Variants in AGBL4 observed in about 807,000 individuals in gnomAD.
The protein encoded by AGBL4 is cytosolic carboxypeptidase 6.
In AGBL4, 58 loss-of-function variants were observed where a neutral mutation model predicts 66.4. The observed-to-expected ratio is 0.87, with a 90% CI of 0.71 to 1.09. The LOEUF (loss-of-function observed/expected upper bound fraction) is 1.09. Among genes scored for constraint, AGBL4 ranks in the 50% least tolerant of loss-of-function variants. The pLI is 0.00. For missense variants in AGBL4, 579 were observed against 631.0 expected, an observed-to-expected ratio of 0.92 and a Z score of 0.88; for synonymous variants, 234 against 222.9, an observed-to-expected ratio of 1.05 and a Z score of -0.44.
intron 3 of AGBL4, among the ~76,000 whole-genome samples, chr1:49,440,539 A>G (rs1210629009): frequency 6.6e-6 from 1 of 152,202 alleles, no homozygotes; most frequent in Admixed American, 6.5e-5. Flanking sequence ...ACCAAGGAAC[A>G]TAATAAAGTT....
At chr1:48,806,625 T>C (rs1422468436) in intron 6 of AGBL4, among the ~76,000 whole-genome samples, 2 of 152,216 alleles carry the variant, frequency 1.3e-5, no homozygotes, top group Non-Finnish European at 2.9e-5. Flanking sequence ...CTGCTCTTTC[T>C]TTGTTGTAGA....
In AGBL4 at chr1:49,314,017, C is replaced by T. The variant is rs149885386; in HGVS notation, c.283-68153G>A. On this transcript the variant is annotated intron_variant, in intron 3 of 13. Transcript: ENST00000371839. Reference sequence around the variant, plus strand: ...TGGTTTTAGGTCTTACGTTTAACTCCTTAATCCATCTTGAGTTAATTTTTG... The same window carrying T: ...TGGTTTTAGGTCTTACGTTTAACTCTTTAATCCATCTTGAGTTAATTTTTG... 5.8e-3 allele frequency among the ~76,000 whole-genome samples: 880 copies of T among 152,116 alleles called. 6 individuals are homozygous for T. The highest frequency in any genetic ancestry group is 0.02 in the African/African-American group (846 of 41,536).
chr1:48,761,314 A>G, intron 6 of AGBL4: 1 of 1,540,230 alleles, frequency 6.5e-7, no homozygotes, highest in East Asian at 2.5e-5. Context: ...GCATACCTCC[A>G]AAGAAAGGAA....
chr1:49,008,881 T>G (rs1290259720), intron 5 of AGBL4, among the ~76,000 whole-genome samples: 1 of 150,464 alleles, frequency 6.6e-6, no homozygotes, highest in African/African-American at 2.4e-5. Flanking sequence ...CAGAGGAGTG[T>G]GTAGAGGGAA....
intron 2 of AGBL4, among the ~76,000 whole-genome samples, chr1:49,769,583 A>G (rs1184078257): frequency 6.6e-6 from 1 of 152,214 alleles, no homozygotes; most frequent in African/African-American, 2.4e-5. Flanking sequence ...GGCTGCAGTA[A>G]CCAAAATAGC....
intron 9 of AGBL4, among the ~76,000 whole-genome samples, chr1:48,623,781 G>A (rs1380662479): frequency 6.6e-6 from 1 of 152,214 alleles, no homozygotes; most frequent in Non-Finnish European, 1.5e-5. Flanking sequence ...ATAGGAACCT[G>A]CTCAGACGGG....
chr1:48,805,849 G>A (rs962541351), intron 6 of AGBL4, among the ~76,000 whole-genome samples: 1 of 152,146 alleles, frequency 6.6e-6, no homozygotes, highest in Non-Finnish European at 1.5e-5. Context: ...TGCAGAGAAA[G>A]AATAAGAGAA....
At chr1:49,785,656 A>G (rs550486234) in intron 2 of AGBL4, among the ~76,000 whole-genome samples, 1 of 151,898 alleles carries the variant, frequency 6.6e-6, no homozygotes, top group Non-Finnish European at 1.5e-5. Context: ...CTGTGGCCCA[A>G]ATTGAATTTC....
chr1:49,677,228 C>A (rs998011187), intron 3 of AGBL4, among the ~76,000 whole-genome samples: 2 of 151,992 alleles, frequency 1.3e-5, no homozygotes, highest in African/African-American at 4.8e-5. Context: ...ATTCTTATAT[C>A]TTTATAATCT....
chr1:48,632,766 C>G (rs538353040), intron 9 of AGBL4, among the ~76,000 whole-genome samples: 1 of 152,194 alleles, frequency 6.6e-6, no homozygotes, highest in South Asian at 2.1e-4. Flanking sequence ...AATGTAGGAG[C>G]TTGTTCTCTT....
At chr1:48,689,203 C>CAAAAAAAAAAAAAAAAAA (rs939955179) in intron 6 of AGBL4, among the ~76,000 whole-genome samples, 12 of 53,340 alleles carry the variant, frequency 2.2e-4, no homozygotes, top group African/African-American at 6.5e-4. Context: ...GACCCGGTCT[C>CAAAAAAAAAAAAAAAAAA]AAAAAAAAAA....
chr1:49,988,553 G>T (rs1201637419), intron 1 of AGBL4, among the ~76,000 whole-genome samples: 2 of 152,200 alleles, frequency 1.3e-5, no homozygotes, highest in Non-Finnish European at 2.9e-5. Context: ...AGGCATGCCT[G>T]CATGAAGCAA....
intron 11 of AGBL4, among the ~76,000 whole-genome samples, chr1:48,582,428 C>T (rs1644753497): frequency 6.6e-6 from 1 of 152,140 alleles, no homozygotes; most frequent in Non-Finnish European, 1.5e-5. Flanking sequence ...CCACAAAACT[C>T]TGATGGGTAG....
chr1:48,985,236 C>G (rs527354449), intron 5 of AGBL4, among the ~76,000 whole-genome samples: 3 of 152,098 alleles, frequency 2.0e-5, no homozygotes, highest in East Asian at 3.9e-4. Context: ...GGGAGGGAAA[C>G]CAAAGAAGAG....
intron 2 of AGBL4, among the ~76,000 whole-genome samples, chr1:49,802,285 A>G (rs964080535): frequency 6.6e-5 from 10 of 152,090 alleles, no homozygotes; most frequent in African/African-American, 9.7e-5. Flanking sequence ...GTCTATATGG[A>G]TAAGATAGGG....
intron 9 of AGBL4, among the ~76,000 whole-genome samples, chr1:48,602,188 G>C (rs1645083260): frequency 6.6e-6 from 1 of 152,068 alleles, no homozygotes; most frequent in Non-Finnish European, 1.5e-5. Context: ...CTCAGCTGCA[G>C]GGACAGGAGT....
At chr1:48,774,575 C>T (rs1644987106) in intron 6 of AGBL4, among the ~76,000 whole-genome samples, 2 of 152,214 alleles carry the variant, frequency 1.3e-5, no homozygotes, top group East Asian at 1.9e-4. Context: ...CCTACTCTGC[C>T]AGTTTCCAAA....
rs549544990 is a variant in AGBL4 at position 49,477,286 on chromosome 1, GT to G, written c.282+220026del. ...AGACACAGTGCTATGCTGGCTTCAG[GT>G]TTGACCCAGCACAGTCCTAGTGATG... On this transcript the variant is annotated intron_variant, in intron 3 of 13. Coordinates refer to ENST00000371839, the MANE Select transcript of AGBL4 (RefSeq NM_032785.4). 1.8e-3 allele frequency among the ~76,000 whole-genome samples: 268 copies of G among 152,226 alleles called. 8 individuals carry two copies. In the South Asian group the frequency reaches 0.055, roughly 31 times the overall value.
chr1:49,654,902 G>A (rs369493740), intron 3 of AGBL4, among the ~76,000 whole-genome samples: 8 of 152,224 alleles, frequency 5.3e-5, no homozygotes, highest in Non-Finnish European at 1.2e-4. Context: ...TCTTTTAACT[G>A]GAGCATTTAG....
Sources: allele counts gnomAD v4.1 joint callset (sites outside exome capture counted in the v4.1 genomes callset), GRCh38; gene constraint gnomAD v4.1.1; transcripts MANE v1.5; gene names NCBI Gene and HGNC (gene_info 2026-07-23, HGNC 2026-07-21).